The following SLC39A10 variants were observed in gnomAD, a reference collection of about 807,000 sequenced individuals.
The protein encoded by SLC39A10 is solute carrier family 39 member 10, also known as zinc transporter ZIP10.
Under a neutral mutation model 65.1 loss-of-function variants are expected in SLC39A10, and 13 were observed. The ratio of observed to expected loss-of-function variants is 0.20; its 90% CI spans 0.13 to 0.32. The LOEUF (loss-of-function observed/expected upper bound fraction) is 0.32. SLC39A10 is among the 10% of genes least tolerant of loss of function. The pLI is 1.00. For missense variants in SLC39A10, 831 were observed against 1,018.4 expected (o/e 0.82, Z 2.50); for synonymous variants, 321 against 342.2 (o/e 0.94, Z 0.68).
chr2:195,677,535 AAAAC>A (rs1377737084), intron 1 of SLC39A10, among the ~76,000 whole-genome samples: 3 of 115,066 alleles, frequency 2.6e-5, no homozygotes, highest in African/African-American at 5.4e-5. Flanking sequence ...TCCTGTCTCA[AAAAC>A]AAACAAAAAA....
intron 3 of SLC39A10, among the ~76,000 whole-genome samples, chr2:195,698,106 G>T (rs1228015789): frequency 6.6e-6 from 1 of 151,878 alleles, no homozygotes; most frequent in East Asian, 1.9e-4. Context: ...TTTTTTGTGT[G>T]AAATCTTTTT....
At chr2:195,642,476 G>A (rs1300670710) in intron 2 of SLC39A10, among the ~76,000 whole-genome samples, 1 of 152,152 alleles carries the variant, frequency 6.6e-6, no homozygotes, top group Non-Finnish European at 1.5e-5. Context: ...TGGCAGGATT[G>A]AGAAACAATG....
upstream of SLC39A10, among the ~76,000 whole-genome samples, chr2:195,655,250 G>A (rs189341321): frequency 5.0e-4 from 76 of 152,248 alleles, 1 homozygote; most frequent in Admixed American, 4.6e-3. Flanking sequence ...ACCACTCAGA[G>A]TTGCAGCTGT....
At chr2:195,630,827 A>T (rs1688569436) in intron 2 of SLC39A10, among the ~76,000 whole-genome samples, 1 of 152,212 alleles carries the variant, frequency 6.6e-6, no homozygotes, top group African/African-American at 2.4e-5. Flanking sequence ...TATCCTACTA[A>T]AAAATTCAAT....
At chr2:195,729,987 T>TTTTTA (rs1692383990) in intron 9 of SLC39A10, among the ~76,000 whole-genome samples, 1 of 138,478 alleles carries the variant, frequency 7.2e-6, no homozygotes, top group East Asian at 2.2e-4. Flanking sequence ...TTTTTTTTTG[T>TTTTTA]AGACACGGAG....
chr2:195,659,468 A>T (rs1404102261), intron 1 of SLC39A10, among the ~76,000 whole-genome samples: 1 of 152,154 alleles, frequency 6.6e-6, no homozygotes, highest in African/African-American at 2.4e-5. Flanking sequence ...TTTGGAGAAG[A>T]TAGGATGTAG....
At chr2:195,725,543 G>A (rs1051372671) in intron 8 of SLC39A10, among the ~76,000 whole-genome samples, 32 of 152,218 alleles carry the variant, frequency 2.1e-4, no homozygotes, top group Admixed American at 2.0e-3. Flanking sequence ...TTGCTGGTGG[G>A]GATGCAATTT....
Position 195,664,086 on chromosome 2 carries a change from G to A in SLC39A10, c.-12+6805G>A, listed in dbSNP as rs534973215. Among the ~76,000 whole-genome samples the A allele has an allele frequency of 1.1e-4, 16 of 151,874 alleles. No homozygotes were observed. The South Asian group carries it at 2.5e-3, about 24-fold the overall frequency. Reference sequence around the variant, plus strand: ...CCAGTTAAAAATTGAAAATCAGAAAGGTATGCTAAAGTTAAATCACTGAAA... The same window carrying A: ...CCAGTTAAAAATTGAAAATCAGAAAAGTATGCTAAAGTTAAATCACTGAAA... On this transcript the variant is annotated intron_variant, in intron 1 of 9. Transcript: ENST00000359634.
chr2:195,652,133 G>A (rs1689044153), upstream of SLC39A10, among the ~76,000 whole-genome samples: 1 of 152,156 alleles, frequency 6.6e-6, no homozygotes, highest in Non-Finnish European at 1.5e-5. Flanking sequence ...AGGTGGATTC[G>A]AAGATTTTCT....
At chr2:195,677,243 CTA>C (rs1221216132) in intron 1 of SLC39A10, among the ~76,000 whole-genome samples, 2 of 152,206 alleles carry the variant, frequency 1.3e-5, no homozygotes, top group Non-Finnish European at 2.9e-5. Flanking sequence ...TTATTACCCT[CTA>C]TCTCTCTTTC....
At chr2:195,668,020 A>G (rs1053618060) in intron 1 of SLC39A10, among the ~76,000 whole-genome samples, 3 of 152,242 alleles carry the variant, frequency 2.0e-5, no homozygotes, top group Admixed American at 6.5e-5. Context: ...TAAAGTGGTT[A>G]AGGGACTTGC....
At chr2:195,622,961 G>A in intron 2 of SLC39A10, among the ~76,000 whole-genome samples, 1 of 115,378 alleles carries the variant, frequency 8.7e-6, no homozygotes, top group Admixed American at 1.1e-4. Context: ...GACAGAGCGA[G>A]ACTCCTGTCT....
intron 2 of SLC39A10, among the ~76,000 whole-genome samples, chr2:195,645,094 AG>A (rs1435789585): frequency 1.3e-5 from 2 of 151,924 alleles, no homozygotes; most frequent in Non-Finnish European, 1.5e-5. Context: ...TTTTTAGTAG[AG>A]ACGTGGTTTC....
intron 5 of SLC39A10, among the ~76,000 whole-genome samples, chr2:195,712,010 C>G (rs1316851949): frequency 6.6e-6 from 1 of 152,130 alleles, no homozygotes; most frequent in Non-Finnish European, 1.5e-5. Flanking sequence ...CTCTTATTCT[C>G]TGTGCCAGGA....
chr2:195,732,694 C>A (rs1692466560), intron 9 of SLC39A10, among the ~76,000 whole-genome samples: 1 of 152,132 alleles, frequency 6.6e-6, no homozygotes. Flanking sequence ...AATAGTCTTA[C>A]TAGAACCATA....
intron 5 of SLC39A10, 41 bp downstream of exon 5, chr2:195,708,885 CA>C: frequency 7.0e-7 from 1 of 1,433,290 alleles, no homozygotes; most frequent in African/African-American, 1.5e-5. Context: ...CCATAAAACT[CA>C]AAACAAAAAT....
chr2:195,613,086 G>A (rs548063127), intron 2 of SLC39A10, among the ~76,000 whole-genome samples: 105 of 152,204 alleles, frequency 6.9e-4, no homozygotes, highest in Middle Eastern at 3.4e-3. Flanking sequence ...AGTTAAGCAC[G>A]TCCTGTAAGT....
intron 2 of SLC39A10, among the ~76,000 whole-genome samples, chr2:195,627,919 T>G (rs1171868423): frequency 2.6e-5 from 4 of 152,190 alleles, no homozygotes; most frequent in Non-Finnish European, 4.4e-5. Flanking sequence ...AGATCTCTCT[T>G]TAAAGAGACA....
At chr2:195,670,259 ATATT>A (rs1466861962) in intron 1 of SLC39A10, 8 of 150,934 alleles carry the variant, frequency 5.3e-5, no homozygotes, top group Non-Finnish European at 4.4e-5. Flanking sequence ...AAAATAGTAT[ATATT>A]TATTATGTAC....
Sources: allele counts gnomAD v4.1 joint callset (sites outside exome capture counted in the v4.1 genomes callset), GRCh38; gene constraint gnomAD v4.1.1; transcripts MANE v1.5; gene names NCBI Gene and HGNC (gene_info 2026-07-23, HGNC 2026-07-21).